PPP2R2B: variants seen among roughly 807,000 people sequenced by gnomAD.
PPP2R2B encodes the protein serine/threonine-protein phosphatase 2A 55 kDa regulatory subunit B beta isoform.
Under a neutral mutation model 46.0 loss-of-function variants are expected in PPP2R2B, and 5 were observed. The observed-to-expected ratio is 0.11, with a 90% confidence interval of 0.06 to 0.23. PPP2R2B has a LOEUF of 0.23. Ranked by LOEUF, PPP2R2B falls within the 10% of genes least tolerant of loss-of-function variation. PPP2R2B has a pLI of 1.00. For synonymous variants in PPP2R2B, 215 were observed against 206.7 expected, an observed-to-expected ratio of 1.04 and a Z score of -0.34; for missense variants, 367 against 575.0, an observed-to-expected ratio of 0.64 and a Z score of 3.70.
intron 1 of PPP2R2B, among the ~76,000 whole-genome samples, chr5:147,034,196 C>G (rs1372862780): frequency 6.6e-6 from 1 of 152,112 alleles, no homozygotes; most frequent in Non-Finnish European, 1.5e-5. Context: ...CTAGAAGATC[C>G]TCTCCCCTGG....
intron 5 of PPP2R2B, among the ~76,000 whole-genome samples, chr5:146,665,535 T>A (rs896044222): frequency 6.6e-6 from 1 of 152,358 alleles, no homozygotes; most frequent in Non-Finnish European, 1.5e-5. Context: ...TGATCTTCTA[T>A]CCATACCACT....
At chr5:147,036,495 T>C (rs1037719995) in intron 1 of PPP2R2B, among the ~76,000 whole-genome samples, 11 of 152,216 alleles carry the variant, frequency 7.2e-5, no homozygotes, top group Non-Finnish European at 1.0e-4. Context: ...TATATCTTTA[T>C]AATAGAACAA....
intron 7 of PPP2R2B, among the ~76,000 whole-genome samples, chr5:146,608,886 C>T (rs1334072568): frequency 2.0e-5 from 3 of 152,146 alleles, no homozygotes; most frequent in African/African-American, 4.8e-5. Context: ...TCTACTCCAA[C>T]TGTTACAAAA....
At chr5:147,058,380 C>T (rs1233937782), upstream of PPP2R2B, among the ~76,000 whole-genome samples, 1 of 152,142 alleles carries the variant, frequency 6.6e-6, no homozygotes, top group Non-Finnish European at 1.5e-5. Flanking sequence ...ATGGTAGGCA[C>T]TTAGCGAATA....
intron 2 of PPP2R2B, among the ~76,000 whole-genome samples, chr5:146,845,496 G>A (rs921744457): frequency 9.9e-5 from 15 of 151,640 alleles, no homozygotes; most frequent in Non-Finnish European, 1.3e-4. Flanking sequence ...CTCGTGATCC[G>A]CCCGCCTCGG....
Position 146,650,694 on chromosome 5 carries a change from C to T in PPP2R2B, c.478G>A (p.Val160Met). 1 of 1,613,854 alleles carries T rather than the reference C, an allele frequency of 6.2e-7. No individual in the cohort carries two copies. The highest frequency in any genetic ancestry group is 2.2e-5 in the East Asian group (1 of 44,842). Reference sequence around the variant, plus strand: ...AATACTCTTCGTGGGGTGGCCTCCACCATCAGGTCCATGGGTCTCAGGACA... The same window carrying T: ...AATACTCTTCGTGGGGTGGCCTCCATCATCAGGTCCATGGGTCTCAGGACA... ...VPVLRPMDLM[V>M]EATPRRVFAN... is the part of the protein sequence containing the mutation. The change falls in exon 6 of 10, where the codon GTG becomes ATG. Residue 160 changes from valine to methionine, a missense_variant. By Grantham distance (21) the Val-to-Met change is conservative (BLOSUM62 1). Transcript: ENST00000394411.
intron 1 of PPP2R2B, among the ~76,000 whole-genome samples, chr5:146,965,908 A>G (rs147291929): frequency 2.6e-5 from 4 of 152,306 alleles, no homozygotes; most frequent in East Asian, 3.9e-4. Flanking sequence ...CAGATCCTTC[A>G]TCTATAAAGT....
At chr5:146,623,644 G>T (rs1030161874) in intron 7 of PPP2R2B, among the ~76,000 whole-genome samples, 1 of 152,100 alleles carries the variant, frequency 6.6e-6, no homozygotes, top group Non-Finnish European at 1.5e-5. Context: ...TTTGACCCTG[G>T]GATTAAGGAT....
At chr5:147,011,020 G>C (rs1488268444) in intron 1 of PPP2R2B, among the ~76,000 whole-genome samples, 2 of 152,110 alleles carry the variant, frequency 1.3e-5, no homozygotes, top group African/African-American at 4.8e-5. Flanking sequence ...ACGTCACTGA[G>C]GGAAAAAGCC....
intron 2 of PPP2R2B, among the ~76,000 whole-genome samples, chr5:146,768,716 G>C (rs879673492): frequency 6.6e-6 from 1 of 152,092 alleles, no homozygotes; most frequent in African/African-American, 2.4e-5. Flanking sequence ...CTCCAACTTT[G>C]ACTATTATTT....
intron 8 of PPP2R2B, among the ~76,000 whole-genome samples, chr5:146,595,396 A>G (rs1771078002): frequency 6.6e-6 from 1 of 152,124 alleles, no homozygotes; most frequent in East Asian, 1.9e-4. Flanking sequence ...GTCACCATTC[A>G]CCTTCGGCAT....
chr5:146,919,321 CTAA>C (rs1554076317), intron 1 of PPP2R2B: 1 of 152,188 alleles, frequency 6.6e-6, no homozygotes, highest in Non-Finnish European at 1.5e-5. Flanking sequence ...TTTTTCCCAA[CTAA>C]TTTCAGAGCT....
At chr5:146,693,008 G>A (rs573543566) in intron 4 of PPP2R2B, among the ~76,000 whole-genome samples, 2 of 152,234 alleles carry the variant, frequency 1.3e-5, no homozygotes, top group South Asian at 4.1e-4. Flanking sequence ...CTTGCACAAG[G>A]TAGGGTTTGG....
intron 1 of PPP2R2B, chr5:147,054,771 C>G: frequency 2.2e-6 from 1 of 446,302 alleles, no homozygotes; most frequent in Non-Finnish European, 4.5e-6. Context: ...ATCCTCAACC[C>G]TTTTCAATCA....
intron 2 of PPP2R2B, among the ~76,000 whole-genome samples, chr5:146,875,013 T>C (rs1253154634): frequency 6.6e-6 from 1 of 152,188 alleles, no homozygotes; most frequent in Non-Finnish European, 1.5e-5. Flanking sequence ...TAAGAGCTGA[T>C]GGTTAAAGGA....
intron 1 of PPP2R2B, among the ~76,000 whole-genome samples, chr5:147,048,553 C>A (rs1029055591): frequency 1.3e-5 from 2 of 152,062 alleles, no homozygotes; most frequent in African/African-American, 4.8e-5. Context: ...GTGGTGAATG[C>A]AGTGGGAAAT....
At chr5:146,640,594 T>C (rs1315732507) in intron 6 of PPP2R2B, among the ~76,000 whole-genome samples, 1 of 152,220 alleles carries the variant, frequency 6.6e-6, no homozygotes, top group East Asian at 1.9e-4. Context: ...CCTGTGAACA[T>C]GTTTCTCTTT....
At chr5:146,941,671 G>T (rs2151829552) in intron 1 of PPP2R2B, among the ~76,000 whole-genome samples, 1 of 152,276 alleles carries the variant, frequency 6.6e-6, no homozygotes. Flanking sequence ...ATTGGATGCA[G>T]AACAGTTAAT....
At chr5:147,069,797 T>TTTTTTTG in intron 2 of PPP2R2B, among the ~76,000 whole-genome samples, 1 of 126,956 alleles carries the variant, frequency 7.9e-6, no homozygotes, top group East Asian at 2.1e-4. Context: ...TTTTTTTTTT[T>TTTTTTTG]TTTTTTTTTT....
Sources: gnomAD v4.1 joint callset for allele counts (sites outside exome capture counted in the v4.1 genomes callset) on GRCh38, gnomAD v4.1.1 for gene constraint, MANE v1.5 for transcripts, NCBI Gene and HGNC (gene_info 2026-07-23, HGNC 2026-07-21) for gene names.